The following CALN1 variants were observed in gnomAD, a reference collection of about 807,000 sequenced individuals.
CALN1 encodes the protein calcium-binding protein 8.
Under a neutral mutation model 30.6 loss-of-function variants are expected in CALN1, and 17 were observed. The observed-to-expected ratio is 0.56, with a 90% CI of 0.38 to 0.83. The LOEUF is 0.83. Ranked by LOEUF, CALN1 falls within the 40% of genes least tolerant of loss-of-function variation. The pLI, the probability that CALN1 is intolerant of heterozygous loss-of-function variation, is 0.00. For synonymous variants in CALN1, 156 were observed against 131.4 expected, an observed-to-expected ratio of 1.19 and a Z score of -1.28; for missense variants, 291 against 354.9, an observed-to-expected ratio of 0.82 and a Z score of 1.45.
At position 71,902,225 on chromosome 7, in the gene CALN1, AAACCAACCAACC is replaced by A. The variant is rs374649403; in HGVS notation, c.502-91745_502-91734del. On this transcript the variant is annotated intron_variant, in intron 5 of 6. Transcript: ENST00000395275. ...GGTGACAATGCGAGACTCCGTCTCA[AAACCAACCAACC>A]AACCAACCAACCAACCAACCAACCA... Among the ~76,000 whole-genome samples, 441 of 144,966 alleles carry A rather than the reference AAACCAACCAACC, an allele frequency of 3.0e-3. 1 individual carries two copies. The highest frequency in any genetic ancestry group is 9.8e-3 in the African/African-American group (372 of 37,788).
intron 6 of CALN1, among the ~76,000 whole-genome samples, chr7:71,808,795 C>A (rs1049917807): frequency 6.6e-6 from 1 of 152,154 alleles, no homozygotes; most frequent in South Asian, 2.1e-4. Flanking sequence ...GCGCTTGAGC[C>A]CCATGTGCTT....
At chr7:71,985,593 T>C (rs1338308702) in intron 5 of CALN1, among the ~76,000 whole-genome samples, 7 of 140,490 alleles carry the variant, frequency 5.0e-5, no homozygotes, top group Non-Finnish European at 9.0e-5. Flanking sequence ...TCTTTTTTTT[T>C]TTTTTTTTTT....
chr7:72,400,225 C>T (rs1461723473), intron 2 of CALN1, among the ~76,000 whole-genome samples: 1 of 152,202 alleles, frequency 6.6e-6, no homozygotes, highest in Admixed American at 6.5e-5. Context: ...GTGGCAGCAG[C>T]TACGTTCATG....
At chr7:71,933,542 A>C (rs1347057235) in intron 5 of CALN1, among the ~76,000 whole-genome samples, 3 of 152,174 alleles carry the variant, frequency 2.0e-5, no homozygotes, top group Admixed American at 1.3e-4. Context: ...TATTTACCCT[A>C]GACAACCACA....
chr7:72,257,769 G>A (rs150264047), intron 3 of CALN1, among the ~76,000 whole-genome samples: 15 of 152,272 alleles, frequency 9.9e-5, no homozygotes, highest in South Asian at 6.2e-4. Context: ...TGTGCACCAC[G>A]GAATACTACT....
intron 4 of CALN1, among the ~76,000 whole-genome samples, chr7:72,067,093 C>T (rs1446476119): frequency 1.3e-5 from 2 of 151,958 alleles, no homozygotes; most frequent in African/African-American, 2.4e-5. Context: ...CCAGCTGGAA[C>T]TATAATTCTT....
At chr7:71,958,065 C>CAAAAAAAAAAAAAAAAAAAA (rs56355838) in intron 5 of CALN1, among the ~76,000 whole-genome samples, 1 of 93,874 alleles carries the variant, frequency 1.1e-5, no homozygotes, top group African/African-American at 4.2e-5. Flanking sequence ...AACTCCATCT[C>CAAAAAAAAAAAAAAAAAAAA]AAAAAAAAAA....
intron 1 of CALN1, among the ~76,000 whole-genome samples, chr7:72,443,186 T>A (rs991858794): frequency 3.9e-5 from 6 of 152,242 alleles, no homozygotes; most frequent in African/African-American, 1.4e-4. Context: ...TGACGTGCTA[T>A]GTACAATTTA....
chr7:72,289,665 A>C (rs985037291), intron 2 of CALN1, among the ~76,000 whole-genome samples: 6 of 152,180 alleles, frequency 3.9e-5, no homozygotes, highest in Non-Finnish European at 8.8e-5. Context: ...CACACACACA[A>C]TAGGCTAAAT....
chr7:72,314,981 CAAAA>C (rs530371351), intron 2 of CALN1, among the ~76,000 whole-genome samples: 1 of 105,428 alleles, frequency 9.5e-6, no homozygotes, highest in African/African-American at 3.2e-5. Flanking sequence ...CCCATCTCTA[CAAAA>C]AAAAAAAAAA....
intron 5 of CALN1, among the ~76,000 whole-genome samples, chr7:71,848,369 T>C (rs1433608352): frequency 6.6e-6 from 1 of 152,192 alleles, no homozygotes; most frequent in Non-Finnish European, 1.5e-5. Flanking sequence ...TTTGGAATTC[T>C]ATTGATATCC....
chr7:72,288,297 T>C (rs938015344), intron 2 of CALN1, among the ~76,000 whole-genome samples: 2 of 152,168 alleles, frequency 1.3e-5, no homozygotes, highest in East Asian at 1.9e-4. Flanking sequence ...AAGGTCTCAC[T>C]TTCTTGTGGG....
intron 3 of CALN1, among the ~76,000 whole-genome samples, chr7:72,215,504 G>T (rs1271717435): frequency 6.9e-6 from 1 of 144,786 alleles, no homozygotes; most frequent in African/African-American, 2.6e-5. Context: ...TAAGGCAGGA[G>T]AATCACTTGA....
intron 4 of CALN1, among the ~76,000 whole-genome samples, chr7:72,066,996 C>G (rs1804067711): frequency 6.6e-6 from 1 of 151,372 alleles, no homozygotes; most frequent in Non-Finnish European, 1.5e-5. Flanking sequence ...ACCATGTTGC[C>G]CAGGGTGGTT....
chr7:72,363,578 T>A (rs553283788), intron 2 of CALN1, among the ~76,000 whole-genome samples: 1 of 151,864 alleles, frequency 6.6e-6, no homozygotes, highest in Admixed American at 6.5e-5. Flanking sequence ...TTACTTTTTT[T>A]ACAGAAAAAA....
At chr7:71,883,223 G>T (rs1160949869) in intron 5 of CALN1, among the ~76,000 whole-genome samples, 2 of 152,058 alleles carry the variant, frequency 1.3e-5, no homozygotes, top group Non-Finnish European at 2.9e-5. Context: ...GTATCCAGAA[G>T]AGTTTGTGGC....
chr7:72,199,820 A>G (rs1585146726), intron 3 of CALN1, among the ~76,000 whole-genome samples: 1 of 152,168 alleles, frequency 6.6e-6, no homozygotes, highest in South Asian at 2.1e-4. Flanking sequence ...AGCCTGGGAG[A>G]CAGAGTCCCA....
chr7:72,285,358 C>T (rs1798016771), intron 2 of CALN1, among the ~76,000 whole-genome samples: 1 of 152,184 alleles, frequency 6.6e-6, no homozygotes, highest in Non-Finnish European at 1.5e-5. Context: ...ATTCTCCTGC[C>T]TCAGCCTCCC....
chr7:72,209,475 T>G lies in CALN1; in HGVS notation c.244+69211A>C, dbSNP rs547940651. Among the ~76,000 whole-genome samples the G allele has an allele frequency of 7.2e-4, 105 of 145,052 alleles. 2 individuals are homozygous for G. The highest frequency in any genetic ancestry group is 9.0e-5 in the Non-Finnish European group (6 of 66,308). On this transcript the variant is annotated intron_variant, in intron 3 of 6. Coordinates refer to ENST00000395275, the MANE Select transcript of CALN1 (RefSeq NM_031468.4). ...TTACATCCTTTCTTCCTCCCTTCCC[T>G]TCTCCCTTCCTTCCCTGCTTCCTTG... is the stretch of plus-strand genomic sequence containing the variant.
Sources: gnomAD v4.1 joint callset for allele counts (sites outside exome capture counted in the v4.1 genomes callset) on GRCh38, gnomAD v4.1.1 for gene constraint, MANE v1.5 for transcripts, NCBI Gene and HGNC (gene_info 2026-07-23, HGNC 2026-07-21) for gene names.